The following PDE1C variants were observed in gnomAD, a reference collection of about 807,000 sequenced individuals.
PDE1C encodes phosphodiesterase 1C.
In PDE1C, 62 loss-of-function variants were observed where a neutral mutation model predicts 93.1. That is an observed-to-expected ratio of 0.67 (90% confidence interval 0.54 to 0.82). PDE1C has a LOEUF of 0.82. Ranked by LOEUF, PDE1C falls within the 40% of genes least tolerant of loss-of-function variation. The pLI is 0.00. For synonymous variants in PDE1C, 325 were observed against 310.1 expected, an observed-to-expected ratio of 1.05 and a Z score of -0.50; for missense variants, 742 against 884.6, an observed-to-expected ratio of 0.84 and a Z score of 2.04.
intron 2 of PDE1C, among the ~76,000 whole-genome samples, chr7:31,937,301 T>G (rs772500660): frequency 6.6e-6 from 1 of 152,102 alleles, no homozygotes; most frequent in Non-Finnish European, 1.5e-5. Context: ...GTCAAAGAAA[T>G]ATATTGTGGG....
chr7:32,277,351 C>A (rs558882908), intron 1 of PDE1C, among the ~76,000 whole-genome samples: 1 of 152,302 alleles, frequency 6.6e-6, no homozygotes, highest in Admixed American at 6.5e-5. Context: ...CTTCTATAAA[C>A]CCACTTTTAT....
At chr7:31,978,831 T>TG (rs538192277) in intron 2 of PDE1C, among the ~76,000 whole-genome samples, 107 of 152,148 alleles carry the variant, frequency 7.0e-4, no homozygotes, top group African/African-American at 2.4e-3. Flanking sequence ...TTTCTGGAGG[T>TG]GGGGGGAGCC....
intron 2 of PDE1C, among the ~76,000 whole-genome samples, chr7:32,004,544 G>C (rs1018924682): frequency 6.6e-6 from 1 of 152,156 alleles, no homozygotes; most frequent in African/African-American, 2.4e-5. Flanking sequence ...AGTTACTAGA[G>C]ACTTTTTTTC....
upstream of PDE1C, among the ~76,000 whole-genome samples, chr7:32,073,042 G>C (rs1796153335): frequency 6.6e-6 from 1 of 152,102 alleles, no homozygotes; most frequent in Admixed American, 6.6e-5. Context: ...CTAAGTACTG[G>C]CCTAGGATGA....
At chr7:32,389,160 G>GTGTGTGTGTGTCTGTGTGTGTGTGTC (rs777922226) in intron 1 of PDE1C, among the ~76,000 whole-genome samples, 2 of 129,134 alleles carry the variant, frequency 1.5e-5, no homozygotes, top group African/African-American at 5.8e-5. Context: ...TAGCTGACGT[G>GTGTGTGTGTGTCTGTGTGTGTGTGTC]TGTGTGTGTG....
chr7:31,879,939 G>A (rs1255755597), intron 3 of PDE1C, among the ~76,000 whole-genome samples: 1 of 152,064 alleles, frequency 6.6e-6, no homozygotes, highest in Non-Finnish European at 1.5e-5. Flanking sequence ...ACCAATTGGG[G>A]TGGAGGTAAG....
At chr7:32,181,558 A>G (rs1478100204) in intron 2 of PDE1C, among the ~76,000 whole-genome samples, 6 of 152,230 alleles carry the variant, frequency 3.9e-5, no homozygotes, top group Non-Finnish European at 8.8e-5. Context: ...TACTGGGTAC[A>G]TAACGAAATG....
At chr7:31,963,518 T>A (rs1315781016) in intron 2 of PDE1C, among the ~76,000 whole-genome samples, 1 of 152,216 alleles carries the variant, frequency 6.6e-6, no homozygotes, top group African/African-American at 2.4e-5. Flanking sequence ...CTCTTAGAAC[T>A]ATATTTGTGA....
intron 2 of PDE1C, among the ~76,000 whole-genome samples, chr7:32,047,630 C>T (rs1016015243): frequency 8.6e-5 from 13 of 152,002 alleles, no homozygotes; most frequent in African/African-American, 2.2e-4. Context: ...AAATATGCCT[C>T]GTACTTGGTG....
chr7:31,951,919 G>T (rs1272409735), intron 2 of PDE1C, among the ~76,000 whole-genome samples: 1 of 152,098 alleles, frequency 6.6e-6, no homozygotes, highest in Non-Finnish European at 1.5e-5. Context: ...AGTTCCACTT[G>T]CCCCACCACT....
At chr7:32,382,152 G>A (rs1211827968) in intron 1 of PDE1C, among the ~76,000 whole-genome samples, 5 of 152,102 alleles carry the variant, frequency 3.3e-5, no homozygotes, top group Admixed American at 3.3e-4. Context: ...CCCAGCACCT[G>A]CTCTCTTAAC....
intron 2 of PDE1C, among the ~76,000 whole-genome samples, chr7:32,184,786 A>G (rs567769690): frequency 6.6e-5 from 10 of 152,282 alleles, no homozygotes; most frequent in South Asian, 6.2e-4. Context: ...CCTAAAACTT[A>G]AAGTATAATA....
chr7:31,825,157 C>G (rs1393046081), intron 12 of PDE1C, among the ~76,000 whole-genome samples, 170 bp from the exon 13 acceptor site: 1 of 152,156 alleles, frequency 6.6e-6, no homozygotes, highest in Non-Finnish European at 1.5e-5. Context: ...TTTCATTTCT[C>G]CTACATAACT....
intron 14 of PDE1C, among the ~76,000 whole-genome samples, chr7:31,820,137 C>T (rs1056890920): frequency 2.6e-4 from 40 of 151,830 alleles, no homozygotes; most frequent in African/African-American, 9.4e-4. Flanking sequence ...ATAAAATATT[C>T]AAAAGAAAGG....
chr7:31,629,682 GCATCCT>G, the PDE1C span, among the ~76,000 whole-genome samples: 3 of 152,158 alleles, frequency 2.0e-5, no homozygotes, highest in Non-Finnish European at 4.4e-5. Flanking sequence ...CTCTCAAAAA[GCATCCT>G]CATATTAGAT....
chr7:31,644,064 T>C, the PDE1C span: 1 of 957,510 alleles, frequency 1.0e-6, no homozygotes, highest in Non-Finnish European at 1.5e-6. Flanking sequence ...CAAACTTTTC[T>C]ATTTTAAATC....
At chr7:32,261,924 T>C (rs566574376) in intron 1 of PDE1C, among the ~76,000 whole-genome samples, 2 of 151,858 alleles carry the variant, frequency 1.3e-5, no homozygotes, top group East Asian at 3.9e-4. Flanking sequence ...ATCCTGAACC[T>C]TCCATTCTGA....
intron 1 of PDE1C, among the ~76,000 whole-genome samples, chr7:32,386,228 T>C (rs939411093): frequency 4.6e-5 from 6 of 130,510 alleles, no homozygotes; most frequent in African/African-American, 1.7e-4. Context: ...ATATGCACTA[T>C]AGGGCGATCA....
At chr7:31,623,125 C>G in the PDE1C span, among the ~76,000 whole-genome samples, 5 of 152,030 alleles carry the variant, frequency 3.3e-5, no homozygotes, top group South Asian at 4.1e-4. Flanking sequence ...GCTTACCAAC[C>G]AAAAAGAGTC....
Sources: allele counts gnomAD v4.1 joint callset (sites outside exome capture counted in the v4.1 genomes callset), GRCh38; gene constraint gnomAD v4.1.1; transcripts MANE v1.5; gene names NCBI Gene and HGNC (gene_info 2026-07-23, HGNC 2026-07-21).